DAPL1: variants seen among roughly 807,000 people sequenced by gnomAD.
DAPL1 encodes the protein death associated protein like 1.
In DAPL1, 17 loss-of-function variants were observed where a neutral mutation model predicts 12.9. The observed-to-expected ratio is 1.32, with a 90% CI of 0.90 to 1.98. DAPL1 has a LOEUF of 1.98. DAPL1 is among the 30% of genes most tolerant of loss of function. DAPL1 has a pLI of 0.00. For missense variants in DAPL1, 157 were observed against 125.7 expected (o/e 1.25, Z -1.19); for synonymous variants, 51 against 42.0 (o/e 1.21, Z -0.82).
intron 2 of DAPL1, 67 bp from the exon 3 acceptor site, chr2:158,806,988 A>C: frequency 1.7e-6 from 2 of 1,181,642 alleles, no homozygotes; most frequent in Non-Finnish European, 2.5e-6. Flanking sequence ...GCCCTCTATA[A>C]ATCATGTGGC....
intron 3 of DAPL1, among the ~76,000 whole-genome samples, chr2:158,810,363 A>T (rs909844932): frequency 1.2e-4 from 18 of 152,190 alleles, no homozygotes; most frequent in Non-Finnish European, 2.6e-4. Flanking sequence ...ATTTATTAAC[A>T]TGCATTCATG....
At chr2:158,798,040 A>G (rs2059144417) in intron 1 of DAPL1, among the ~76,000 whole-genome samples, 1 of 152,170 alleles carries the variant, frequency 6.6e-6, no homozygotes, top group Non-Finnish European at 1.5e-5. Flanking sequence ...ACCCCATTAT[A>G]TGAACAGCAG....
chr2:158,809,322 C>A (rs2059217962), intron 3 of DAPL1, among the ~76,000 whole-genome samples: 1 of 116,098 alleles, frequency 8.6e-6, no homozygotes, highest in Non-Finnish European at 1.6e-5. Context: ...CACGCCACTG[C>A]ACTCCAGCCT....
rs2059207778 is a variant in DAPL1 at position 158,807,200 on chromosome 2, G to A, written c.207+85G>A. The A allele has an allele frequency of 3.7e-6, 4 of 1,074,704 alleles. No individual in the cohort carries two copies. The East Asian group carries it at 1.1e-4, about 28-fold the overall frequency. The allele number at this position is 1,074,704 out of a possible 1,614,324, so 66.6% of individuals were successfully genotyped here. A position where few individuals can be genotyped will look rare whatever the true frequency, so the allele number is the denominator to read the frequency against. On this transcript the variant is annotated intron_variant, in intron 3 of 3. Coordinates refer to ENST00000309950, the MANE Select transcript of DAPL1 (RefSeq NM_001017920.3). ...ATGGGTGAATGAGCGGATGACCACT[G>A]AGGTTTTTTCCAACCCAGAGGTTTG...
chr2:158,808,022 G>A (rs976844199), intron 3 of DAPL1, among the ~76,000 whole-genome samples: 8 of 152,142 alleles, frequency 5.3e-5, no homozygotes, highest in African/African-American at 1.2e-4. Context: ...TTGGTTTTCC[G>A]GATTGAAAAG....
At position 158,815,791 on chromosome 2, in the gene DAPL1, C is replaced by T. The variant is rs1461489364; in HGVS notation, c.294C>T (p.Ile98=). The change falls in exon 4 of 4, where the codon ATC becomes ATT. Residue 98 remains isoleucine, a synonymous_variant. Transcript: ENST00000309950. ...ALEKVVPLKR[I]YIIQQPRKC ...AAAAGGTTGTTCCACTGAAAAGGAT[C>T]TACATTATTCAGCAGCCTCGAAAAT... 1.2e-6 allele frequency: 2 copies of T among 1,613,636 alleles called. No homozygotes were observed. The highest frequency in any genetic ancestry group is 1.7e-5 in the Admixed American group (1 of 60,024).
rs113476029 is a variant in DAPL1, at chr2:158,805,800, G to A, written c.147-1255G>A. On this transcript the variant is annotated intron_variant, in intron 2 of 3. Transcript: ENST00000309950. ...AAAACTCAATTGTTTTCTAATAGTC[G>A]TTAAATGACAGGAATTGGACTTTTA... Among the ~76,000 whole-genome samples the A allele has an allele frequency of 3.0e-4, 45 of 148,808 alleles. 4 individuals carry two copies. The highest frequency in any genetic ancestry group is 3.9e-4 in the Non-Finnish European group (26 of 66,376).
intron 2 of DAPL1, among the ~76,000 whole-genome samples, chr2:158,805,311 G>A (rs1172686924): frequency 6.6e-6 from 1 of 151,998 alleles, no homozygotes; most frequent in African/African-American, 2.4e-5. Context: ...ATACTGATTC[G>A]CTCCATTAGC....
At chr2:158,802,399 C>T (rs1234369898) in intron 1 of DAPL1, among the ~76,000 whole-genome samples, 1 of 152,204 alleles carries the variant, frequency 6.6e-6, no homozygotes, top group East Asian at 1.9e-4. Flanking sequence ...CCTTGCTAGT[C>T]ACAACCCCAT....
chr2:158,808,487 A>G (rs1202722826), intron 3 of DAPL1, among the ~76,000 whole-genome samples: 2 of 152,234 alleles, frequency 1.3e-5, no homozygotes, highest in African/African-American at 4.8e-5. Flanking sequence ...ATTGGTTTTT[A>G]TGACAGTGAA....
intron 3 of DAPL1, among the ~76,000 whole-genome samples, chr2:158,815,167 T>C (rs2059253289): frequency 6.6e-6 from 1 of 152,232 alleles, no homozygotes; most frequent in African/African-American, 2.4e-5. Flanking sequence ...TCCCTCAGCC[T>C]TCTCTTCACT....
intron 3 of DAPL1, among the ~76,000 whole-genome samples, chr2:158,811,602 C>G (rs769516223): frequency 7.9e-5 from 12 of 152,138 alleles, no homozygotes; most frequent in Non-Finnish European, 1.2e-4. Flanking sequence ...AAGGTAAATT[C>G]TCAATGTGGA....
chr2:158,807,190 G>A, intron 3 of DAPL1, 75 bp downstream of exon 3: 1 of 1,187,170 alleles, frequency 8.4e-7, no homozygotes, highest in Non-Finnish European at 1.2e-6. Context: ...TGAATGAGCG[G>A]ATGACCACTG....
At chr2:158,814,785 T>C (rs2059251245) in intron 3 of DAPL1, among the ~76,000 whole-genome samples, 1 of 152,194 alleles carries the variant, frequency 6.6e-6, no homozygotes, top group East Asian at 1.9e-4. Flanking sequence ...GCATCTAAGT[T>C]CAATAGTGAT....
chr2:158,809,671 C>T (rs1460101847), intron 3 of DAPL1, among the ~76,000 whole-genome samples: 5 of 152,194 alleles, frequency 3.3e-5, no homozygotes, highest in Middle Eastern at 3.4e-3. Flanking sequence ...ATAATACATG[C>T]GCAGTGCTAG....
At chr2:158,815,232 G>T (rs10169705) in intron 3 of DAPL1, among the ~76,000 whole-genome samples, 55,310 of 151,992 alleles carry the variant, frequency 0.36, 10,689 homozygotes, top group African/African-American at 0.49. Flanking sequence ...TTTTTGACCT[G>T]AAAAAATAGC....
chr2:158,812,108 C>A (rs1418998932), intron 3 of DAPL1, among the ~76,000 whole-genome samples: 1 of 152,218 alleles, frequency 6.6e-6, no homozygotes, highest in Non-Finnish European at 1.5e-5. Flanking sequence ...ACTTGACTTT[C>A]CTGTTATCAT....
chr2:158,801,641 T>C (rs1050473770), intron 1 of DAPL1, among the ~76,000 whole-genome samples: 7 of 152,202 alleles, frequency 4.6e-5, no homozygotes, highest in Non-Finnish European at 1.0e-4. Flanking sequence ...CTGAGGCTTA[T>C]ATACAAAAAT....
chr2:158,814,525 A>T (rs2059249774), intron 3 of DAPL1, among the ~76,000 whole-genome samples: 2 of 152,240 alleles, frequency 1.3e-5, no homozygotes, highest in Non-Finnish European at 2.9e-5. Context: ...ACCATTGCTA[A>T]CACTTCAGTG....
Sources: gnomAD v4.1 joint callset for allele counts (sites outside exome capture counted in the v4.1 genomes callset) on GRCh38, gnomAD v4.1.1 for gene constraint, MANE v1.5 for transcripts, NCBI Gene and HGNC (gene_info 2026-07-23, HGNC 2026-07-21) for gene names.